LHX8: variants seen among roughly 807,000 people sequenced by gnomAD.
LHX8 encodes the protein LIM homeobox 8, also known as LIM/homeobox protein Lhx8.
LHX8 carries 12 observed loss-of-function variants against 40.3 expected under a neutral mutation model. The observed-to-expected ratio is 0.30, with a 90% CI of 0.19 to 0.48. LHX8 has a LOEUF of 0.48. Ranked by LOEUF, LHX8 falls within the 20% of genes least tolerant of loss-of-function variation. The pLI is 0.99. For synonymous variants in LHX8, 179 were observed against 162.0 expected (o/e 1.10, Z -0.80); for missense variants, 344 against 433.7 (o/e 0.79, Z 1.84).
At chr1:75,135,623 C>T (rs1277601662) in intron 1 of LHX8, among the ~76,000 whole-genome samples, 1 of 152,216 alleles carries the variant, frequency 6.6e-6, no homozygotes, top group East Asian at 1.9e-4. Flanking sequence ...CCCACCCGCC[C>T]CCGAGCTAGA....
intron 7 of LHX8, among the ~76,000 whole-genome samples, chr1:75,152,568 A>C (rs992648560): frequency 2.0e-5 from 3 of 152,258 alleles, no homozygotes; most frequent in African/African-American, 7.2e-5. Flanking sequence ...TTTCACTATT[A>C]TAAAATGCTG....
At chr1:75,185,971 A>C in the LHX8 span, among the ~76,000 whole-genome samples, 2 of 152,212 alleles carry the variant, frequency 1.3e-5, no homozygotes, top group Non-Finnish European at 2.9e-5. Context: ...TAAAATACCT[A>C]GGAATTCAGC....
intron 4 of LHX8, among the ~76,000 whole-genome samples, chr1:75,142,520 A>AAT (rs1284603782): frequency 6.6e-6 from 1 of 152,208 alleles, no homozygotes; most frequent in Non-Finnish European, 1.5e-5. Context: ...ATAACAATAC[A>AAT]ATAGCTTTTT....
intron 6 of LHX8, among the ~76,000 whole-genome samples, chr1:75,144,469 T>C (rs899229048): frequency 1.3e-5 from 2 of 152,272 alleles, no homozygotes; most frequent in Non-Finnish European, 2.9e-5. Context: ...TTGACTACAA[T>C]TGAGCAGATT....
chr1:75,133,034 T>C (rs1648015503), upstream of LHX8: 1 of 152,242 alleles, frequency 6.6e-6, no homozygotes, highest in Non-Finnish European at 1.5e-5. Flanking sequence ...AGTTAGCTTT[T>C]TGAAAAGTCA....
At chr1:75,135,207 C>T (rs527558535) in intron 1 of LHX8, among the ~76,000 whole-genome samples, 4 of 152,324 alleles carry the variant, frequency 2.6e-5, no homozygotes, top group African/African-American at 9.6e-5. Context: ...AAACGAGTCA[C>T]GCGGTTTGTC....
chr1:75,165,360 T>C (rs2100372705), downstream of LHX8, among the ~76,000 whole-genome samples: 1 of 152,246 alleles, frequency 6.6e-6, no homozygotes, highest in Admixed American at 6.5e-5. Context: ...TGTATAGAGA[T>C]CTTAGGAGAA....
chr1:75,133,821 C>T (rs1648038433), upstream of LHX8, among the ~76,000 whole-genome samples: 1 of 152,176 alleles, frequency 6.6e-6, no homozygotes, highest in Non-Finnish European at 1.5e-5. Flanking sequence ...TTTTGTCTTT[C>T]TTGTAGCCTT....
At chr1:75,164,372 C>T (rs1648989575), downstream of LHX8, among the ~76,000 whole-genome samples, 1 of 152,172 alleles carries the variant, frequency 6.6e-6, no homozygotes, top group South Asian at 2.1e-4. Context: ...ATGCCATAAT[C>T]TTAACCACTA....
chr1:75,134,294 C>T (rs1648054875), upstream of LHX8, among the ~76,000 whole-genome samples: 2 of 151,946 alleles, frequency 1.3e-5, no homozygotes, highest in South Asian at 4.2e-4. Context: ...GAAAGACTTT[C>T]CCCCACACGC....
In LHX8 at chr1:75,156,961, A is replaced by G. The variant is rs750880284; in HGVS notation, c.849A>G (p.Pro283=). The G allele has an allele frequency of 6.2e-6, 10 of 1,614,122 alleles. No homozygotes were observed. The South Asian group carries it at 6.6e-5, about 11-fold the overall frequency. Residue 283 remains proline, a synonymous_variant, in exon 8 of 9, where the codon CCA becomes CCG. Transcript: ENST00000356261. The stretch of plus-strand genomic sequence containing the variant: ...GTCCTAATCACTCATCCTCCACCCC[A>G]GTCACAGCAGTCCCACCCTCCAGGC... The part of the protein sequence containing the change: ...HVSPNHSSST[P]VTAVPPSRLS...
In LHX8 at chr1:75,160,984, T is replaced by G. The variant is rs1648903641; in HGVS notation, c.*89T>G. ...CATTGAAAAGATATTACTGTTAATT[T>G]TTTATTTAACACCTAAAGCATTTCC... is the stretch of plus-strand genomic sequence containing the variant. On this transcript the variant is annotated 3_prime_UTR_variant, in exon 9 of 9. Transcript: ENST00000356261. 9.8e-7 allele frequency: 1 copy of G among 1,023,350 alleles called. No homozygotes were observed. The highest frequency in any genetic ancestry group is 1.3e-5 in the South Asian group (1 of 76,692). 63.4% of individuals were successfully genotyped at this position (1,023,350 alleles called of 1,614,324 possible). A position where few individuals can be genotyped will look rare whatever the true frequency, so the allele number is the denominator to read the frequency against.
At chr1:75,171,286 C>T in the LHX8 span, among the ~76,000 whole-genome samples, 17,453 of 152,000 alleles carry the variant, frequency 0.11, 1,252 homozygotes, top group Middle Eastern at 0.22. Context: ...AGTGAGTACA[C>T]TTGGTAGCCA....
At chr1:75,181,272 T>C in the LHX8 span, among the ~76,000 whole-genome samples, 3 of 152,220 alleles carry the variant, frequency 2.0e-5, no homozygotes, top group African/African-American at 7.2e-5. Context: ...TTTAAGTCTG[T>C]AGAAGTTTCT....
chr1:75,149,074 C>T (rs1252222058), intron 7 of LHX8, among the ~76,000 whole-genome samples: 1 of 152,202 alleles, frequency 6.6e-6, no homozygotes, highest in Non-Finnish European at 1.5e-5. Context: ...TCAGTACTCA[C>T]AGCAACCCTA....
rs1648166046 is a variant in LHX8 at position 75,137,080 on chromosome 1, C to T, written c.76-20C>T. 10 of 1,592,552 alleles carry T rather than the reference C, an allele frequency of 6.3e-6. No individual in the cohort carries two copies. Among genetic ancestry groups the T allele is most frequent in the Admixed American group, 1.7e-5 (1 of 59,166 alleles). On this transcript the variant is annotated intron_variant, in intron 2 of 8. Transcript: ENST00000356261. ...GGGAGGAGGGGTCTAGAACCGCCTG[C>T]GCCTCGCGGTTTCCTGCAGGTGAGC...
intron 8 of LHX8, chr1:75,160,333 G>GT (rs1247369034): frequency 6.3e-6 from 1 of 158,866 alleles, no homozygotes; most frequent in African/African-American, 2.4e-5. Flanking sequence ...AGCCTGTACT[G>GT]TTGTTGCCAT....
chr1:75,177,912 T>G, the LHX8 span, among the ~76,000 whole-genome samples: 2 of 152,226 alleles, frequency 1.3e-5, no homozygotes, highest in African/African-American at 2.4e-5. Context: ...TGAAGGCCTT[T>G]TCTGCATCTA....
At chr1:75,197,659 T>A in the LHX8 span, among the ~76,000 whole-genome samples, 1 of 152,160 alleles carries the variant, frequency 6.6e-6, no homozygotes, top group South Asian at 2.1e-4. Context: ...CTTTGCCGAT[T>A]TTATTTAAGA....
Sources: allele counts gnomAD v4.1 joint callset (sites outside exome capture counted in the v4.1 genomes callset), GRCh38; gene constraint gnomAD v4.1.1; transcripts MANE v1.5; gene names NCBI Gene and HGNC (gene_info 2026-07-23, HGNC 2026-07-21).